The following METTL15 variants were observed in gnomAD, a reference collection of about 807,000 sequenced individuals.
The protein encoded by METTL15 is methyltransferase 15, mitochondrial 12S rRNA N4-cytidine, also known as 12S rRNA N(4)-cytidine methyltransferase METTL15.
A neutral mutation model predicts 38.3 loss-of-function variants in METTL15; 34 were observed. That is an observed-to-expected ratio of 0.89 (90% CI 0.68 to 1.18). METTL15 has a LOEUF of 1.18. Among genes scored for constraint, METTL15 ranks in the 50% most tolerant of loss-of-function variants. The pLI, the probability that METTL15 is intolerant of heterozygous loss-of-function variation, is 0.00. For missense variants in METTL15, 438 were observed against 498.4 expected (o/e 0.88, Z 1.15); for synonymous variants, 162 against 170.9 (o/e 0.95, Z 0.41).
intron 3 of METTL15, among the ~76,000 whole-genome samples, chr11:28,210,338 A>G (rs1420910934): frequency 6.6e-6 from 1 of 151,972 alleles, no homozygotes; most frequent in South Asian, 2.1e-4. Flanking sequence ...ACAATTAGGC[A>G]GGTGGTGATG....
intron 5 of METTL15, among the ~76,000 whole-genome samples, chr11:28,294,432 A>G (rs1856651175): frequency 6.6e-6 from 1 of 152,182 alleles, no homozygotes; most frequent in Non-Finnish European, 1.5e-5. Context: ...ACCAGTCGCC[A>G]TTTAACACTA....
chr11:28,240,199 T>C (rs544999932), intron 4 of METTL15, among the ~76,000 whole-genome samples: 1 of 152,350 alleles, frequency 6.6e-6, no homozygotes, highest in East Asian at 1.9e-4. Context: ...TCATTAAAAC[T>C]AAGTAAATAT....
chr11:28,424,649 C>G (rs975557038), intron 6 of METTL15, among the ~76,000 whole-genome samples: 11 of 152,048 alleles, frequency 7.2e-5, no homozygotes, highest in Non-Finnish European at 1.2e-4. Flanking sequence ...GAAGGTGACC[C>G]CTGCCAACCT....
intron 6 of METTL15, among the ~76,000 whole-genome samples, chr11:28,446,217 G>GGACT (rs1264878171): frequency 6.6e-6 from 1 of 152,054 alleles, no homozygotes; most frequent in East Asian, 1.9e-4. Context: ...TCCCATCAAT[G>GGACT]GACTGACAGG....
At chr11:28,349,337 C>A (rs923684670) in intron 3 of METTL15, among the ~76,000 whole-genome samples, 1 of 152,212 alleles carries the variant, frequency 6.6e-6, no homozygotes, top group African/African-American at 2.4e-5. Flanking sequence ...AGATTAGCCT[C>A]CTCTGCACAG....
At chr11:28,473,265 C>T (rs953634109) in intron 6 of METTL15, among the ~76,000 whole-genome samples, 1 of 152,068 alleles carries the variant, frequency 6.6e-6, no homozygotes, top group Non-Finnish European at 1.5e-5. Flanking sequence ...TCAGTATTCC[C>T]AGGAGTGCCT....
intron 5 of METTL15, among the ~76,000 whole-genome samples, chr11:28,422,734 A>G (rs1023543056): frequency 4.6e-5 from 7 of 152,070 alleles, no homozygotes; most frequent in Admixed American, 2.0e-4. Context: ...ACCACAAACT[A>G]TGAAACTGCT....
At chr11:28,208,980 A>G (rs974812213) in intron 3 of METTL15, among the ~76,000 whole-genome samples, 1 of 151,790 alleles carries the variant, frequency 6.6e-6, no homozygotes, top group Admixed American at 6.6e-5. Context: ...CATAAATTCC[A>G]TTTGTCTGCC....
intron 6 of METTL15, among the ~76,000 whole-genome samples, chr11:28,319,345 A>G (rs1445469992): frequency 6.6e-6 from 1 of 152,172 alleles, no homozygotes; most frequent in Non-Finnish European, 1.5e-5. Context: ...CTTGGTGAAC[A>G]TATCATCTTA....
intron 5 of METTL15, among the ~76,000 whole-genome samples, chr11:28,414,641 T>C (rs963318316): frequency 2.0e-5 from 3 of 152,224 alleles, no homozygotes; most frequent in Non-Finnish European, 2.9e-5. Flanking sequence ...ATTTTTTGTT[T>C]AGTCGTTTAT....
chr11:28,187,526 T>G (rs1471600886), intron 3 of METTL15, among the ~76,000 whole-genome samples: 2 of 143,814 alleles, frequency 1.4e-5, no homozygotes, highest in Non-Finnish European at 1.5e-5. Context: ...TGTTTGTGCT[T>G]TTTTTTTTTT....
intron 3 of METTL15, among the ~76,000 whole-genome samples, chr11:28,181,259 A>ATT (rs71449171): frequency 1.5e-5 from 2 of 133,796 alleles, no homozygotes; most frequent in Non-Finnish European, 3.2e-5. Context: ...TTAATTTTTA[A>ATT]TTTTTTTTTT....
intron 6 of METTL15, among the ~76,000 whole-genome samples, chr11:28,464,109 G>A (rs1323994868): frequency 6.6e-6 from 1 of 152,162 alleles, no homozygotes; most frequent in East Asian, 1.9e-4. Context: ...AGAAAGGAAA[G>A]AATATAAAGT....
At position 28,263,226 on chromosome 11, in the gene METTL15, T is replaced by A. The variant is rs1855281009; in HGVS notation, c.408-26980T>A. Among the ~76,000 whole-genome samples the A allele has an allele frequency of 2.0e-5, 3 of 152,110 alleles. 1 individual carries two copies. The South Asian group carries it at 6.2e-4, about 32-fold the overall frequency. On this transcript the variant is annotated intron_variant, in intron 4 of 6. Transcript: ENST00000407364. The stretch of plus-strand genomic sequence containing the variant: ...GTAAGAAATGGAGAAATGTCATTGA[T>A]TCATTTTACATAGGATGTAACATCT...
intron 6 of METTL15, among the ~76,000 whole-genome samples, chr11:28,315,371 T>C (rs1433472657): frequency 4.6e-5 from 7 of 152,178 alleles, no homozygotes; most frequent in South Asian, 2.1e-4. Context: ...TCCTAGAGAT[T>C]TGTGGAACTT....
chr11:28,443,905 G>A (rs1182258149), intron 6 of METTL15, among the ~76,000 whole-genome samples: 1 of 152,106 alleles, frequency 6.6e-6, no homozygotes, highest in Non-Finnish European at 1.5e-5. Flanking sequence ...CCATGCAGCA[G>A]GTAGACACAA....
At chr11:28,471,870 C>T (rs1851306097) in intron 6 of METTL15, among the ~76,000 whole-genome samples, 1 of 151,906 alleles carries the variant, frequency 6.6e-6, no homozygotes, top group African/African-American at 2.4e-5. Context: ...TCAGAGCAGA[C>T]ATCATTCTCT....
intron 4 of METTL15, among the ~76,000 whole-genome samples, chr11:28,279,657 T>C (rs1376203007): frequency 1.3e-5 from 2 of 152,052 alleles, no homozygotes; most frequent in Admixed American, 1.3e-4. Context: ...TCCCAGCACT[T>C]TGGGAGGCCG....
At chr11:28,140,377 G>A (rs1437688397) in intron 3 of METTL15, among the ~76,000 whole-genome samples, 3 of 152,110 alleles carry the variant, frequency 2.0e-5, no homozygotes, top group African/African-American at 7.2e-5. Flanking sequence ...GAGTGATAGG[G>A]GTTTTTGGGG....
Sources: allele counts gnomAD v4.1 joint callset (sites outside exome capture counted in the v4.1 genomes callset), GRCh38; gene constraint gnomAD v4.1.1; transcripts MANE v1.5; gene names NCBI Gene and HGNC (gene_info 2026-07-23, HGNC 2026-07-21).